The following DPP6 variants were observed in gnomAD, a reference collection of about 807,000 sequenced individuals.
DPP6 encodes the protein A-type potassium channel modulatory protein DPP6.
In DPP6, 69 loss-of-function variants were observed where a neutral mutation model predicts 122.6. That is an observed-to-expected ratio of 0.56 (90% confidence interval 0.46 to 0.69). The LOEUF is 0.69. DPP6 is among the 30% of genes least tolerant of loss of function. DPP6 has a pLI of 0.00. For synonymous variants in DPP6, 418 were observed against 433.1 expected, an observed-to-expected ratio of 0.97 and a Z score of 0.43; for missense variants, 928 against 1,116.9, an observed-to-expected ratio of 0.83 and a Z score of 2.41.
intron 8 of DPP6, among the ~76,000 whole-genome samples, chr7:154,749,836 A>G (rs62475821): frequency 4.5e-5 from 5 of 111,360 alleles, no homozygotes; most frequent in East Asian, 3.1e-4. Flanking sequence ...GAGTGTGAGG[A>G]AGCATAGGAC....
At chr7:154,447,797 A>G (rs1426654724) in intron 2 of DPP6, among the ~76,000 whole-genome samples, 4 of 152,268 alleles carry the variant, frequency 2.6e-5, no homozygotes, top group Non-Finnish European at 5.9e-5. Context: ...TTATACCTAC[A>G]TTAATAGAAT....
chr7:154,543,002 G>T (rs181187986), intron 4 of DPP6, among the ~76,000 whole-genome samples: 1 of 152,218 alleles, frequency 6.6e-6, no homozygotes, highest in East Asian at 1.9e-4. Flanking sequence ...TCATGAGCAA[G>T]TATGGAGAAG....
At chr7:154,036,591 G>A (rs1405678024) in intron 1 of DPP6, among the ~76,000 whole-genome samples, 3 of 151,914 alleles carry the variant, frequency 2.0e-5, no homozygotes, top group African/African-American at 4.9e-5. Flanking sequence ...AGCTCAGATG[G>A]TGCACGGGCA....
chr7:154,447,723 C>T (rs985236609), intron 2 of DPP6, among the ~76,000 whole-genome samples: 1 of 152,106 alleles, frequency 6.6e-6, no homozygotes, highest in African/African-American at 2.4e-5. Context: ...AGATTATACA[C>T]CATGACCAAA....
chr7:154,650,252 G>C (rs1397719423), intron 6 of DPP6, among the ~76,000 whole-genome samples: 1 of 152,036 alleles, frequency 6.6e-6, no homozygotes, highest in Non-Finnish European at 1.5e-5. Flanking sequence ...ATGAGCCCAG[G>C]AGGTCAAAGT....
At chr7:153,833,770 T>C in the DPP6 span, among the ~76,000 whole-genome samples, 5 of 152,308 alleles carry the variant, frequency 3.3e-5, no homozygotes, top group East Asian at 9.7e-4. Context: ...CACTCATGTC[T>C]TGCTGTACAA....
In DPP6 at chr7:153,982,717, T is replaced by C. The variant is rs546449342; in HGVS notation, c.51+94983T>C. On this transcript the variant is annotated intron_variant, in intron 1 of 25. Transcript: ENST00000404039. Reference sequence around the variant, plus strand: ...GGTATTTGATGTTGGTGACCTTCAGTTGGGGTTTTTGCGTTGTCGTCCTTT... The same window carrying C: ...GGTATTTGATGTTGGTGACCTTCAGCTGGGGTTTTTGCGTTGTCGTCCTTT... Among the ~76,000 whole-genome samples, 3 of 152,262 alleles carry C rather than the reference T, an allele frequency of 2.0e-5. No individual in the cohort carries two copies. The South Asian group carries it at 6.2e-4, about 32-fold the overall frequency.
intron 1 of DPP6, among the ~76,000 whole-genome samples, chr7:154,314,652 C>A (rs2151005651): frequency 6.6e-6 from 1 of 152,334 alleles, no homozygotes; most frequent in South Asian, 2.1e-4. Flanking sequence ...ATTCAGCAGT[C>A]TAATCTTGCA....
At chr7:154,283,571 G>A (rs924840418) in intron 1 of DPP6, among the ~76,000 whole-genome samples, 1 of 151,768 alleles carries the variant, frequency 6.6e-6, no homozygotes, top group African/African-American at 2.4e-5. Context: ...TGTTCTTTGA[G>A]AAACTTACTC....
chr7:154,662,105 A>G (rs1563074239), intron 6 of DPP6, among the ~76,000 whole-genome samples: 2 of 150,454 alleles, frequency 1.3e-5, no homozygotes, highest in South Asian at 2.1e-4. Flanking sequence ...GTGAATCACC[A>G]TGGCATATTG....
At chr7:154,089,355 A>T (rs1431508172) in intron 1 of DPP6, among the ~76,000 whole-genome samples, 1 of 128,862 alleles carries the variant, frequency 7.8e-6, no homozygotes, top group Non-Finnish European at 1.6e-5. Context: ...AGATGGAGGT[A>T]GTGAGGTGTC....
intron 7 of DPP6, among the ~76,000 whole-genome samples, chr7:154,696,930 T>C (rs1020442362): frequency 6.6e-6 from 1 of 150,966 alleles, no homozygotes; most frequent in Non-Finnish European, 1.5e-5. Flanking sequence ...GGCAGGAAAA[T>C]GCGACAGTGA....
At chr7:153,827,954 TC>T in the DPP6 span, among the ~76,000 whole-genome samples, 1 of 152,282 alleles carries the variant, frequency 6.6e-6, no homozygotes, top group South Asian at 2.1e-4. Flanking sequence ...TCACTGATGC[TC>T]GGAGATAACG....
intron 1 of DPP6, among the ~76,000 whole-genome samples, chr7:153,978,979 T>C (rs1246776553): frequency 2.0e-5 from 3 of 152,110 alleles, no homozygotes; most frequent in African/African-American, 7.3e-5. Context: ...GGTACCATGA[T>C]GCCTCCAGCT....
the DPP6 span, among the ~76,000 whole-genome samples, chr7:153,831,466 G>A: frequency 2.0e-5 from 3 of 152,238 alleles, no homozygotes; most frequent in South Asian, 2.1e-4. Context: ...ACAGAGAGGA[G>A]GTCAGTGAGG....
chr7:154,338,788 T>G (rs1299662784), intron 1 of DPP6, among the ~76,000 whole-genome samples: 1 of 152,176 alleles, frequency 6.6e-6, no homozygotes, highest in East Asian at 1.9e-4. Flanking sequence ...CCCTAAATGC[T>G]TATTCAGTCA....
intron 1 of DPP6, among the ~76,000 whole-genome samples, chr7:153,959,424 A>G (rs531225469): frequency 6.2e-4 from 94 of 152,338 alleles, no homozygotes; most frequent in African/African-American, 2.2e-3. Flanking sequence ...GGAGAAGGAT[A>G]TGACTTCTTG....
At chr7:154,796,559 G>A (rs966663899) in intron 12 of DPP6, among the ~76,000 whole-genome samples, 2 of 152,182 alleles carry the variant, frequency 1.3e-5, no homozygotes, top group East Asian at 1.9e-4. Context: ...AAGAAGAACA[G>A]GTGAAAAAGC....
chr7:154,102,188 A>AT (rs1425291243), intron 1 of DPP6, among the ~76,000 whole-genome samples: 113 of 149,934 alleles, frequency 7.5e-4, no homozygotes, highest in Admixed American at 6.6e-3. Context: ...CTTAGCTTCC[A>AT]TTTTTTTTTC....
Sources: gnomAD v4.1 joint callset for allele counts (sites outside exome capture counted in the v4.1 genomes callset) on GRCh38, gnomAD v4.1.1 for gene constraint, MANE v1.5 for transcripts, NCBI Gene and HGNC (gene_info 2026-07-23, HGNC 2026-07-21) for gene names.